RASD2: variants seen among roughly 807,000 people sequenced by gnomAD.
The protein encoded by RASD2 is RASD family member 2, also known as GTP-binding protein Rhes.
A neutral mutation model predicts 15.8 loss-of-function variants in RASD2; 7 were observed. The ratio of observed to expected loss-of-function variants is 0.44; its 90% CI spans 0.25 to 0.83. RASD2 has a LOEUF of 0.83. RASD2 is among the 40% of genes least tolerant of loss of function. RASD2 has a pLI of 0.20. For synonymous variants in RASD2, 155 were observed against 153.6 expected, an observed-to-expected ratio of 1.01 and a Z score of -0.07; for missense variants, 274 against 382.8, an observed-to-expected ratio of 0.72 and a Z score of 2.37.
Position 35,551,873 on chromosome 22 carries a change from C to G in RASD2, c.642C>G (p.Pro214=). The change falls in exon 3 of 3, where the codon CCC becomes CCG. Residue 214 remains proline (P), a synonymous_variant. Transcript: ENST00000216127. This position sits in a 1 kb window ranked among gnomAD's most constrained non-coding sequence, Gnocchi z 4.9. ...ISVQYGDAFH[P]RPFCMRRVKE... ...TGCAGTACGGTGACGCCTTCCACCC[C>G]AGGCCCTTCTGCATGCGCCGCGTCA... 1 of 1,613,962 alleles carries G rather than the reference C, an allele frequency of 6.2e-7. No homozygotes were observed. The highest frequency in any genetic ancestry group is 8.5e-7 in the Non-Finnish European group (1 of 1,180,048).
upstream of RASD2, among the ~76,000 whole-genome samples, chr22:35,536,375 G>A (rs57267768): frequency 0.057 from 8,595 of 150,476 alleles, 863 homozygotes; most frequent in African/African-American, 0.2. Flanking sequence ...GCCCAGGCTA[G>A]AGGGCAGTGG....
rs1020838345 is a variant in RASD2, at chr22:35,552,166, C to T, written c.*134C>T. 5.1e-6 allele frequency: 6 copies of T among 1,186,904 alleles called. No individual in the cohort carries two copies. The Admixed American group carries it at 1.4e-4, about 28-fold the overall frequency. The allele number at this position is 1,186,904 out of a possible 1,614,324, so 73.5% of individuals were successfully genotyped here. A position where few individuals can be genotyped will look rare whatever the true frequency, so the allele number is the denominator to read the frequency against. Reference sequence around the variant, plus strand: ...CCTTAGGCACCAGACTGGAGGCCCCCGGGCGCTGGCCTCCGCACATTCGTC... The same window carrying T: ...CCTTAGGCACCAGACTGGAGGCCCCTGGGCGCTGGCCTCCGCACATTCGTC... On this transcript the variant is annotated 3_prime_UTR_variant, in exon 3 of 3. Coordinates refer to ENST00000216127, the MANE Select transcript of RASD2 (RefSeq NM_014310.4).
At chr22:35,538,821 C>T (rs1029194568), upstream of RASD2, among the ~76,000 whole-genome samples, 3 of 152,246 alleles carry the variant, frequency 2.0e-5, no homozygotes, top group Non-Finnish European at 4.4e-5. Context: ...GTGAAGCGTG[C>T]CACCCTGCTC....
Position 35,551,747 on chromosome 22 carries a change from G to A in RASD2, c.516G>A (p.Ser172=), listed in dbSNP as rs770614000. 5.0e-6 allele frequency: 8 copies of A among 1,613,910 alleles called. No individual in the cohort carries two copies. Among genetic ancestry groups the A allele is most frequent in the South Asian group, 1.1e-5 (1 of 91,058 alleles). The change falls in exon 3 of 3, where the codon TCG becomes TCA. Residue 172 remains serine, a synonymous_variant. Coordinates refer to ENST00000216127, the MANE Select transcript of RASD2 (RefSeq NM_014310.4). This position sits in a 1 kb window ranked among gnomAD's most constrained non-coding sequence, Gnocchi z 4.9. ...AGAACTGCGCCTACTTCGAGGTGTC[G>A]GCCAAGAAGAACACCAACGTGGACG... is the stretch of plus-strand genomic sequence containing the variant. ...GDENCAYFEV[S]AKKNTNVDEM... is the part of the protein sequence containing the mutation.
rs1355142711 is a variant in RASD2, at chr22:35,551,723, G to C, written c.492G>C (p.Glu164Asp). ...TEAELLVSGD[E>D]NCAYFEVSAK... ...CCGAGCTGCTGGTGTCGGGCGACGAGAACTGCGCCTACTTCGAGGTGTCGG... is the reference window on the plus strand; with the variant it reads ...CCGAGCTGCTGGTGTCGGGCGACGACAACTGCGCCTACTTCGAGGTGTCGG... The change falls in exon 3 of 3, where the codon GAG (glutamate) becomes GAC (aspartate). Residue 164 changes from glutamate (E) to aspartate (D), a missense_variant. Physicochemically the swap from Glu to Asp is conservative, Grantham distance 45. Transcript: ENST00000216127. This position sits in a 1 kb window ranked among gnomAD's most constrained non-coding sequence, Gnocchi z 4.9. 6.2e-7 allele frequency: 1 copy of C among 1,613,710 alleles called. No individual in the cohort carries two copies. The highest frequency in any genetic ancestry group is 1.7e-5 in the Admixed American group (1 of 59,948).
At chr22:35,547,281 T>C (rs2145873710) in intron 2 of RASD2, among the ~76,000 whole-genome samples, 1 of 152,332 alleles carries the variant, frequency 6.6e-6, no homozygotes, top group African/African-American at 2.4e-5. Context: ...TCTGTTAGAC[T>C]CCAGATCGAT....
chr22:35,551,790 T>C lies in RASD2; in HGVS notation c.559T>C (p.Phe187Leu), dbSNP rs1285603410. The change falls in exon 3 of 3, where the codon TTC becomes CTC. Residue 187 changes from phenylalanine (F) to leucine (L), a missense_variant. Transcript: ENST00000216127. The surrounding 1 kb of genome is among the most constrained non-coding windows in gnomAD (Gnocchi z 4.9). Reference protein sequence around the residue: ...TNVDEMFYVLFSMAKLPHEMS... With the variant: ...TNVDEMFYVLLSMAKLPHEMS... ...CGTGGACGAGATGTTCTACGTGCTC[T>C]TCAGCATGGCCAAGCTGCCACACGA... The C allele has an allele frequency of 3.7e-6, 6 of 1,614,002 alleles. No homozygotes were observed. The East Asian group carries it at 6.7e-5, about 18-fold the overall frequency.
rs1934703424 is a variant in RASD2 at position 35,552,595 on chromosome 22, ACT to A, written c.*566_*567del. On this transcript the variant is annotated 3_prime_UTR_variant, in exon 3 of 3. Transcript: ENST00000216127. The stretch of plus-strand genomic sequence containing the variant: ...GCTGCGCCTGACATTGAGCCAGTGG[ACT>A]CTGTGTCTGAAGGGGGCGTGGCCAC... The A allele has an allele frequency of 6.5e-6, 1 of 153,038 alleles. No homozygotes were observed. The highest frequency in any genetic ancestry group is 1.5e-5 in the Non-Finnish European group (1 of 68,954). 9.5% of individuals were successfully genotyped at this position (153,038 alleles called of 1,614,324 possible).
At chr22:35,548,219 C>T (rs1414221918) in intron 2 of RASD2, among the ~76,000 whole-genome samples, 1 of 152,186 alleles carries the variant, frequency 6.6e-6, no homozygotes, top group Non-Finnish European at 1.5e-5. Flanking sequence ...TGGGTGTGAG[C>T]CCTGGTTCCG....
upstream of RASD2, among the ~76,000 whole-genome samples, chr22:35,540,288 G>A (rs1323177960): frequency 6.6e-6 from 1 of 151,718 alleles, no homozygotes; most frequent in Non-Finnish European, 1.5e-5. Context: ...GTCAGCCTCC[G>A]AGGCCCGGGC....
chr22:35,540,121 C>T (rs1440821231), upstream of RASD2, among the ~76,000 whole-genome samples: 2 of 152,208 alleles, frequency 1.3e-5, no homozygotes, highest in African/African-American at 4.8e-5. Context: ...GGAGGGCACC[C>T]GGGGACTTCC....
At chr22:35,550,574 C>T (rs901656192) in intron 2 of RASD2, among the ~76,000 whole-genome samples, 1 of 151,998 alleles carries the variant, frequency 6.6e-6, no homozygotes, top group African/African-American at 2.4e-5. Context: ...GCCCCTGTTT[C>T]AGATTCACAA....
chr22:35,536,605 G>T (rs897266113), upstream of RASD2, among the ~76,000 whole-genome samples: 1 of 152,208 alleles, frequency 6.6e-6, no homozygotes, highest in Non-Finnish European at 1.5e-5. Flanking sequence ...GATTACAGGC[G>T]TGAGCCACCA....
intron 1 of RASD2, among the ~76,000 whole-genome samples, chr22:35,544,287 C>A (rs1017495877): frequency 5.9e-5 from 9 of 152,212 alleles, no homozygotes; most frequent in African/African-American, 2.2e-4. Context: ...CTGCTGAAGG[C>A]CCAGGCTGGC....
At chr22:35,545,542 C>A (rs988846130) in intron 1 of RASD2, among the ~76,000 whole-genome samples, 6 of 152,208 alleles carry the variant, frequency 3.9e-5, no homozygotes, top group African/African-American at 1.4e-4. Context: ...CAACCTGTGG[C>A]AGCCTGTGGA....
upstream of RASD2, among the ~76,000 whole-genome samples, chr22:35,539,398 G>A (rs1435510357): frequency 6.6e-6 from 1 of 152,170 alleles, no homozygotes; most frequent in Non-Finnish European, 1.5e-5. Context: ...CTGGGTTGGG[G>A]GTGAGGCTGG....
chr22:35,541,818 A>G (rs945411975), intron 1 of RASD2, among the ~76,000 whole-genome samples: 5 of 152,210 alleles, frequency 3.3e-5, no homozygotes, highest in Non-Finnish European at 7.3e-5. Context: ...CTAGAGTAAT[A>G]GCCCATTTAA....
At chr22:35,542,746 G>C (rs893260019) in intron 1 of RASD2, among the ~76,000 whole-genome samples, 1 of 152,222 alleles carries the variant, frequency 6.6e-6, no homozygotes, top group Non-Finnish European at 1.5e-5. Context: ...TTGTCCTGCT[G>C]CCTGTGCCCG....
At chr22:35,545,860 C>T in intron 1 of RASD2, among the ~76,000 whole-genome samples, 1 of 152,132 alleles carries the variant, frequency 6.6e-6, no homozygotes, top group East Asian at 1.9e-4. Context: ...GAGGGCTGGG[C>T]TGTGAAGAGC....
Sources: gnomAD v4.1 joint callset for allele counts (sites outside exome capture counted in the v4.1 genomes callset) on GRCh38, gnomAD v4.1.1 for gene constraint, Gnocchi (gnomAD v3.1) non-coding constraint, MANE v1.5 for transcripts, NCBI Gene and HGNC (gene_info 2026-07-23, HGNC 2026-07-21) for gene names.